BBS2: variants seen among roughly 807,000 people sequenced by gnomAD.
The protein encoded by BBS2 is BBSome complex member BBS2.
Under a neutral mutation model 83.0 loss-of-function variants are expected in BBS2, and 62 were observed. That is an observed-to-expected ratio of 0.75 (90% CI 0.61 to 0.92). The LOEUF is 0.92. Among genes scored for constraint, BBS2 ranks in the 40% least tolerant of loss-of-function variants. The pLI, the probability that BBS2 is intolerant of heterozygous loss-of-function variation, is 0.00. For synonymous variants in BBS2, 303 were observed against 326.1 expected (o/e 0.93, Z 0.76); for missense variants, 784 against 901.0 (o/e 0.87, Z 1.66).
intron 15 of BBS2, among the ~76,000 whole-genome samples, chr16:56,488,055 T>G (rs1343234317): frequency 6.6e-6 from 1 of 152,146 alleles, no homozygotes; most frequent in Non-Finnish European, 1.5e-5. Flanking sequence ...ACACTAAAAG[T>G]AGTATACAGT....
At chr16:56,496,849 G>A (rs551891713) in intron 15 of BBS2, 118 bp downstream of exon 15, 6 of 826,238 alleles carry the variant, frequency 7.3e-6, no homozygotes, top group Admixed American at 5.4e-5. Flanking sequence ...ATAATGCCAA[G>A]TTATTTTCCA....
chr16:56,485,785 A>G (rs1457078034), intron 15 of BBS2, 47 bp from the exon 16 acceptor site: 1 of 1,595,768 alleles, frequency 6.3e-7, no homozygotes, highest in African/African-American at 1.3e-5. Flanking sequence ...TTGATATGGC[A>G]AGCTTAAGAA....
chr16:56,510,510 A>G (rs1320158517), intron 4 of BBS2, among the ~76,000 whole-genome samples: 2 of 152,218 alleles, frequency 1.3e-5, no homozygotes, highest in African/African-American at 4.8e-5. Context: ...TAGATTCCTC[A>G]AAACAGTTGG....
chr16:56,501,486 G>T lies in BBS2; in HGVS notation c.1092C>A (p.Ala364=), dbSNP rs1394766615. 6.2e-7 allele frequency: 1 copy of T among 1,613,992 alleles called. No individual in the cohort carries two copies. The highest frequency in any genetic ancestry group is 8.5e-7 in the Non-Finnish European group (1 of 1,180,028). The change falls in exon 10 of 17, where the codon GCC becomes GCA. Residue 364 remains alanine, a synonymous_variant. Transcript: ENST00000245157. ...GCCCATCAGCCTCGTTCAGTGGACT[G>T]GCCAATTCAGCCTGCAAAACACCCC... The part of the protein sequence containing the change: ...NYEENAKAEL[A]SPLNEADGHR...
intron 15 of BBS2, among the ~76,000 whole-genome samples, chr16:56,487,897 T>C (rs1367368602): frequency 6.6e-6 from 1 of 152,104 alleles, no homozygotes. Context: ...GCACCATCAC[T>C]GGTAGTTGCC....
At chr16:56,475,066 A>G in intron 17 of BBS2, 2 of 1,052,730 alleles carry the variant, frequency 1.9e-6, no homozygotes, top group Non-Finnish European at 2.8e-6. Context: ...AGAATCTCAC[A>G]TCATGGGATC....
downstream of BBS2, among the ~76,000 whole-genome samples, chr16:56,480,355 A>AAAC (rs1200834183): frequency 5.5e-4 from 52 of 94,206 alleles, no homozygotes; most frequent in Non-Finnish European, 9.1e-4. Context: ...ACACACACAA[A>AAAC]AAAAAAAAAA....
Position 56,502,823 on chromosome 16 carries a change from C to T in BBS2, c.805-15G>A, listed in dbSNP as rs751391305. The T allele has an allele frequency of 3.1e-6, 5 of 1,614,062 alleles. No homozygotes were observed. The African/African-American group carries it at 5.3e-5, about 17-fold the overall frequency. On this transcript the variant is annotated splice_polypyrimidine_tract_variant and intron_variant, in intron 7 of 16. Coordinates refer to ENST00000245157, the MANE Select transcript of BBS2 (RefSeq NM_031885.5). ...CGAGCATCAACCTACAAATAAAACA[C>T]AAATTTAAAAGTTGCTTATGCTACA...
chr16:56,507,578 T>G (rs1964455133), intron 5 of BBS2, among the ~76,000 whole-genome samples: 1 of 152,178 alleles, frequency 6.6e-6, no homozygotes, highest in African/African-American at 2.4e-5. Flanking sequence ...CAAGTTGTTT[T>G]TTTTTGGTGG....
chr16:56,478,530 G>A (rs1189253302), intron 17 of BBS2: 1 of 152,188 alleles, frequency 6.6e-6, no homozygotes, highest in Non-Finnish European at 1.5e-5. Flanking sequence ...ATGAGTTGAG[G>A]GGAAAGGGTG....
At chr16:56,501,108 A>G in intron 10 of BBS2, 83 bp from the exon 11 acceptor site, 1 of 1,497,024 alleles carries the variant, frequency 6.7e-7, no homozygotes, top group South Asian at 1.1e-5. Flanking sequence ...CAGGAGGTCG[A>G]GACCATCTTG....
chr16:56,492,527 T>C (rs1233261131), intron 15 of BBS2, among the ~76,000 whole-genome samples: 2 of 152,186 alleles, frequency 1.3e-5, no homozygotes, highest in East Asian at 1.9e-4. Flanking sequence ...TGCTTACCAA[T>C]AGTTTCAGTT....
chr16:56,509,996 A>G lies in BBS2; in HGVS notation c.573T>C (p.Phe191=), dbSNP rs2144176995. 1 of 1,614,138 alleles carries G rather than the reference A, an allele frequency of 6.2e-7. No homozygotes were observed. Among genetic ancestry groups the G allele is most frequent in the Non-Finnish European group, 8.5e-7 (1 of 1,179,998 alleles). ...VGSEDFDIRV[F]KEDEIVAEMT... ...TTTCTGCCACAATCTCATCTTCCTTAAAAACTCGGATATCAAAATCCTCAG... is the reference window on the plus strand; with the variant it reads ...TTTCTGCCACAATCTCATCTTCCTTGAAAACTCGGATATCAAAATCCTCAG... Residue 191 remains phenylalanine (F), a synonymous_variant, in exon 5 of 17, where the codon TTT becomes TTC. Transcript: ENST00000245157.
chr16:56,480,491 C>T (rs530649742), downstream of BBS2, among the ~76,000 whole-genome samples: 1 of 151,978 alleles, frequency 6.6e-6, no homozygotes, highest in East Asian at 1.9e-4. Context: ...TCTCAACTCA[C>T]TGCAACCTCT....
At chr16:56,480,708 C>T (rs1963648452), downstream of BBS2, among the ~76,000 whole-genome samples, 1 of 152,126 alleles carries the variant, frequency 6.6e-6, no homozygotes, top group Non-Finnish European at 1.5e-5. Flanking sequence ...TGCTTCAACA[C>T]CATGACATAC....
chr16:56,498,445 TAA>T lies in BBS2; in HGVS notation c.1649_1650del (p.Leu550GlnfsTer9), dbSNP rs750146549. ...NGGHLHIKIK[L>X]SGEITINTDD... Reference sequence around the variant, plus strand: ...GTGATATTAAACATTACCTCTCCACTAAGTTTTATTTTTATATGCAGGTGGCC... The same window carrying T: ...GTGATATTAAACATTACCTCTCCACTGTTTTATTTTTATATGCAGGTGGCC... On this transcript the variant is annotated frameshift_variant, in exon 13 of 17. Coordinates refer to ENST00000245157, the MANE Select transcript of BBS2 (RefSeq NM_031885.5). LOFTEE classifies it high-confidence loss of function. The T allele has an allele frequency of 3.7e-6, 6 of 1,613,946 alleles. No homozygotes were observed. Among genetic ancestry groups the T allele is most frequent in the Non-Finnish European group, 5.1e-6 (6 of 1,179,962 alleles).
chr16:56,504,542 T>C (rs1188476721), intron 7 of BBS2, among the ~76,000 whole-genome samples: 1 of 152,254 alleles, frequency 6.6e-6, no homozygotes, highest in African/African-American at 2.4e-5. Flanking sequence ...AAGTTGGATC[T>C]GTATATTTCC....
At chr16:56,509,858 T>A in intron 5 of BBS2, 99 bp downstream of exon 5, 1 of 1,273,978 alleles carries the variant, frequency 7.8e-7, no homozygotes, top group Non-Finnish European at 1.1e-6. Flanking sequence ...TAAAACCACC[T>A]GGGTTTGGAG....
intron 9 of BBS2, chr16:56,502,097 T>C: frequency 1.5e-6 from 1 of 652,812 alleles, no homozygotes; most frequent in Non-Finnish European, 2.7e-6. Flanking sequence ...TAAATAGTGC[T>C]GCAGGAAATG....
Sources: gnomAD v4.1 joint callset for allele counts (sites outside exome capture counted in the v4.1 genomes callset) on GRCh38, gnomAD v4.1.1 for gene constraint, MANE v1.5 for transcripts, NCBI Gene and HGNC (gene_info 2026-07-23, HGNC 2026-07-21) for gene names.